The following UST variants were observed in gnomAD, a reference collection of about 807,000 sequenced individuals.
UST encodes the protein uronyl 2-sulfotransferase, also known as chondroitin sulfate 2-O-sulfotransferase.
In UST, 21 loss-of-function variants were observed where a neutral mutation model predicts 45.6. The ratio of observed to expected loss-of-function variants is 0.46; its 90% CI spans 0.33 to 0.66. The LOEUF is 0.66. Ranked by LOEUF, UST falls within the 30% of genes least tolerant of loss-of-function variation. The probability of loss-of-function intolerance (pLI) is 0.02; values close to 1 mark genes in which losing one functional copy is unlikely to be tolerated. For missense variants in UST, 463 were observed against 512.4 expected (o/e 0.90, Z 0.93); for synonymous variants, 215 against 200.6 (o/e 1.07, Z -0.61).
chr6:149,065,599 C>T (rs896657673), intron 7 of UST, among the ~76,000 whole-genome samples: 1 of 152,136 alleles, frequency 6.6e-6, no homozygotes, highest in African/African-American at 2.4e-5. Flanking sequence ...GATTCAAATT[C>T]GTTTTTTCAC....
At position 148,833,361 on chromosome 6, in the gene UST, C is replaced by T. The variant is rs548676984; in HGVS notation, c.248-53625C>T. On this transcript the variant is annotated intron_variant, in intron 1 of 7. Coordinates refer to ENST00000367463, the MANE Select transcript of UST (RefSeq NM_005715.3). ...AATTAGCCAGGCATGGTGGCATGTACCTGTGATCCCAGCTACTTGGGAGAA... is the reference window on the plus strand; with the variant it reads ...AATTAGCCAGGCATGGTGGCATGTATCTGTGATCCCAGCTACTTGGGAGAA... 2.0e-5 allele frequency among the ~76,000 whole-genome samples: 3 copies of T among 152,218 alleles called. No homozygotes were observed. The East Asian group carries it at 5.8e-4, about 29-fold the overall frequency.
intron 7 of UST, among the ~76,000 whole-genome samples, chr6:149,028,102 C>T (rs1286774781): frequency 1.3e-5 from 2 of 152,180 alleles, no homozygotes; most frequent in South Asian, 2.1e-4. Context: ...CCTCGGCCTC[C>T]GAAAGTGCTG....
chr6:148,873,989 C>T (rs1414696882), intron 1 of UST, among the ~76,000 whole-genome samples: 1 of 152,264 alleles, frequency 6.6e-6, no homozygotes, highest in African/African-American at 2.4e-5. Context: ...CACATGACAT[C>T]TAGGTCCTGA....
At chr6:148,798,953 T>C (rs901716244) in intron 1 of UST, among the ~76,000 whole-genome samples, 2 of 152,092 alleles carry the variant, frequency 1.3e-5, no homozygotes, top group Non-Finnish European at 2.9e-5. Flanking sequence ...CGCTGCAACC[T>C]CTGCCTCTCG....
chr6:149,064,736 C>A (rs924239086), intron 7 of UST, among the ~76,000 whole-genome samples: 1 of 152,046 alleles, frequency 6.6e-6, no homozygotes, highest in East Asian at 1.9e-4. Flanking sequence ...AAGAATGAAC[C>A]GGCATTTAGA....
intron 1 of UST, among the ~76,000 whole-genome samples, chr6:148,769,056 T>A (rs574575696): frequency 2.0e-4 from 31 of 152,374 alleles, no homozygotes; most frequent in Admixed American, 1.8e-3. Context: ...ATTGGGTAAC[T>A]GTATGGATCT....
chr6:148,969,681 G>A (rs1780875373), intron 5 of UST, among the ~76,000 whole-genome samples: 1 of 152,120 alleles, frequency 6.6e-6, no homozygotes, highest in Non-Finnish European at 1.5e-5. Flanking sequence ...CTCCAGACCT[G>A]GAGCTCCTCT....
chr6:149,036,198 C>T (rs1422672374), intron 7 of UST, among the ~76,000 whole-genome samples: 1 of 152,186 alleles, frequency 6.6e-6, no homozygotes, highest in Non-Finnish European at 1.5e-5. Context: ...GAACTGGGGT[C>T]CCAGCTGCTT....
chr6:149,052,454 A>G (rs1286904017), intron 7 of UST, among the ~76,000 whole-genome samples: 2 of 152,198 alleles, frequency 1.3e-5, no homozygotes, highest in Admixed American at 6.5e-5. Flanking sequence ...TCCATTGTAC[A>G]GATAAGGAAA....
At chr6:148,871,574 C>A (rs2114816961) in intron 1 of UST, among the ~76,000 whole-genome samples, 1 of 152,336 alleles carries the variant, frequency 6.6e-6, no homozygotes, top group South Asian at 2.1e-4. Flanking sequence ...ACAAGTATTA[C>A]TTCTTTTCAA....
At chr6:148,908,635 A>G (rs1779413405) in intron 2 of UST, among the ~76,000 whole-genome samples, 1 of 152,210 alleles carries the variant, frequency 6.6e-6, no homozygotes, top group African/African-American at 2.4e-5. Flanking sequence ...ATAATTTTAT[A>G]TTTTAATGAT....
intron 1 of UST, among the ~76,000 whole-genome samples, chr6:148,765,018 G>A (rs753667233): frequency 6.4e-4 from 97 of 152,244 alleles, no homozygotes; most frequent in African/African-American, 1.8e-3. Flanking sequence ...TTTTCCCAAC[G>A]CTGTTAATTA....
chr6:148,918,589 C>G (rs1010046924), intron 2 of UST, among the ~76,000 whole-genome samples: 1 of 152,126 alleles, frequency 6.6e-6, no homozygotes, highest in Non-Finnish European at 1.5e-5. Context: ...TTCTTACTTG[C>G]ATTCTCATGA....
At chr6:148,878,696 T>C (rs1391988207) in intron 1 of UST, among the ~76,000 whole-genome samples, 1 of 145,330 alleles carries the variant, frequency 6.9e-6, no homozygotes, top group Non-Finnish European at 1.5e-5. Context: ...GGGGGTCGTG[T>C]GTGAGTGCGG....
chr6:148,976,831 G>T (rs1315119977), intron 5 of UST, among the ~76,000 whole-genome samples: 4 of 151,912 alleles, frequency 2.6e-5, no homozygotes, highest in Non-Finnish European at 5.9e-5. Flanking sequence ...AACTTTCTTT[G>T]TGATGTTTTT....
chr6:148,946,582 C>T (rs1204931367), intron 3 of UST, among the ~76,000 whole-genome samples: 10 of 139,080 alleles, frequency 7.2e-5, no homozygotes, highest in African/African-American at 1.9e-4. Flanking sequence ...GAGGCTGAGG[C>T]GGGCGGATCA....
At chr6:148,766,392 AC>A (rs1354849494) in intron 1 of UST, among the ~76,000 whole-genome samples, 3 of 151,726 alleles carry the variant, frequency 2.0e-5, no homozygotes. Flanking sequence ...TCACCCACGC[AC>A]CCACTTGCCC....
intron 1 of UST, among the ~76,000 whole-genome samples, chr6:148,842,880 G>A (rs1209245895): frequency 2.0e-5 from 3 of 152,020 alleles, no homozygotes; most frequent in Non-Finnish European, 4.4e-5. Flanking sequence ...CCACTCTGTC[G>A]CGGTGATGAC....
intron 1 of UST, among the ~76,000 whole-genome samples, chr6:148,784,014 A>G (rs771470550): frequency 1.3e-5 from 2 of 152,102 alleles, no homozygotes; most frequent in Admixed American, 6.6e-5. Context: ...GTTTTCCCCA[A>G]TGTCAGTGAT....
Sources: allele counts gnomAD v4.1 joint callset (sites outside exome capture counted in the v4.1 genomes callset), GRCh38; gene constraint gnomAD v4.1.1; transcripts MANE v1.5; gene names NCBI Gene and HGNC (gene_info 2026-07-23, HGNC 2026-07-21).